Variants in FCF1 observed in about 807,000 individuals in gnomAD.
FCF1 encodes the protein FCF1 rRNA-processing protein.
FCF1 carries 17 observed loss-of-function variants against 32.5 expected under a neutral mutation model. That is an observed-to-expected ratio of 0.52 (90% CI 0.36 to 0.78). The LOEUF (loss-of-function observed/expected upper bound fraction) is 0.78, where lower values mean the gene tolerates loss of function less well. Among genes scored for constraint, FCF1 ranks in the 30% least tolerant of loss-of-function variants. FCF1 has a pLI of 0.00. For synonymous variants in FCF1, 84 were observed against 78.4 expected (o/e 1.07, Z -0.38); for missense variants, 201 against 241.1 (o/e 0.83, Z 1.10).
rs527245288 is a variant in FCF1, at chr14:74,734,562, A to G, written c.549-320A>G. Reference sequence around the variant, plus strand: ...TTATCCTTCTTGGCTATTTTTTGTCAGTACTCAGACTTATTTTCCAGCTTT... The same window carrying G: ...TTATCCTTCTTGGCTATTTTTTGTCGGTACTCAGACTTATTTTCCAGCTTT... On this transcript the variant is annotated intron_variant, in intron 7 of 7. Transcript: ENST00000341162. Among the ~76,000 whole-genome samples the G allele has an allele frequency of 2.7e-5, 4 of 150,664 alleles. No homozygotes were observed. In the East Asian group the frequency reaches 5.8e-4, roughly 22 times the overall value.
chr14:74,725,431 G>T (rs1204241761), intron 5 of FCF1, among the ~76,000 whole-genome samples: 1 of 140,288 alleles, frequency 7.1e-6, no homozygotes, highest in Non-Finnish European at 1.5e-5. Context: ...AGTGAGCTGA[G>T]GTCATGCCAC....
intron 5 of FCF1, among the ~76,000 whole-genome samples, chr14:74,725,935 C>G (rs77199127): frequency 1.8e-5 from 2 of 108,512 alleles, no homozygotes; most frequent in African/African-American, 6.6e-5. Context: ...GACTCCATCT[C>G]AAAAAAAAAA....
chr14:74,730,429 A>G (rs532053185), intron 5 of FCF1, among the ~76,000 whole-genome samples: 2 of 152,008 alleles, frequency 1.3e-5, no homozygotes, highest in East Asian at 3.9e-4. Context: ...TTTTTTTGGT[A>G]GAGACTGGGC....
chr14:74,729,763 C>T (rs1166729224), intron 5 of FCF1, among the ~76,000 whole-genome samples: 2 of 152,128 alleles, frequency 1.3e-5, no homozygotes, highest in Admixed American at 1.3e-4. Flanking sequence ...TCCCTCTACA[C>T]ACTGCTTTGA....
At chr14:74,718,089 T>C (rs2090445860) in intron 4 of FCF1, among the ~76,000 whole-genome samples, 2 of 152,180 alleles carry the variant, frequency 1.3e-5, no homozygotes, top group Non-Finnish European at 2.9e-5. Context: ...GGTCTCAAAC[T>C]CCTGACCTCA....
intron 3 of FCF1, among the ~76,000 whole-genome samples, chr14:74,715,410 C>G (rs1195455125): frequency 2.0e-5 from 3 of 151,838 alleles, no homozygotes; most frequent in African/African-American, 7.3e-5. Flanking sequence ...TAATTTTTCC[C>G]TGGATTGGTA....
chr14:74,732,754 A>T lies in FCF1; in HGVS notation c.389A>T (p.Glu130Val). Residue 130 changes from glutamate (E) to valine (V), a missense_variant, in exon 6 of 8, where the codon GAA becomes GTA. Glu to Val is a moderately radical substitution (Grantham distance 121, BLOSUM62 -2). Transcript: ENST00000341162. ...ALRIAKDPRF[E>V]RLPCTHKGTY... ...AGGATTGCCAAGGATCCAAGATTTG[A>T]ACGATTACCATGTACACACAAAGGA... is the stretch of plus-strand genomic sequence containing the variant. The T allele has an allele frequency of 6.2e-7, 1 of 1,612,876 alleles. No individual in the cohort carries two copies.
intron 5 of FCF1, among the ~76,000 whole-genome samples, chr14:74,726,994 T>G: frequency 6.6e-6 from 1 of 152,104 alleles, no homozygotes; most frequent in Admixed American, 6.6e-5. Flanking sequence ...ATTTTCTTAA[T>G]CCAGTCTATC....
chr14:74,719,776 A>G (rs1047081975), intron 4 of FCF1, among the ~76,000 whole-genome samples: 11 of 152,200 alleles, frequency 7.2e-5, no homozygotes, highest in Non-Finnish European at 1.2e-4. Flanking sequence ...AAAGGGGGAA[A>G]AAAAGGAAGT....
intron 6 of FCF1, 89 bp downstream of exon 6, chr14:74,732,907 C>A: frequency 2.6e-6 from 2 of 763,988 alleles, no homozygotes; most frequent in South Asian, 1.7e-5. Flanking sequence ...AGTAAAACAT[C>A]TAGGAATATA....
chr14:74,713,572 T>C lies in FCF1; in HGVS notation c.71+20T>C, dbSNP rs898159390. On this transcript the variant is annotated intron_variant, in intron 2 of 7. Transcript: ENST00000341162. ...GAGGCTGTGAGTGTCTGGAATCAAC[T>C]GCCCAGGGATATTCTAATAAGAGTC... 1 of 1,596,472 alleles carries C rather than the reference T, an allele frequency of 6.3e-7. No individual in the cohort carries two copies. Among genetic ancestry groups the C allele is most frequent in the Non-Finnish European group, 8.6e-7 (1 of 1,166,040 alleles).
chr14:74,730,498 G>A (rs1429508685), intron 5 of FCF1, among the ~76,000 whole-genome samples: 1 of 152,140 alleles, frequency 6.6e-6, no homozygotes, highest in African/African-American at 2.4e-5. Flanking sequence ...CAGATCACCT[G>A]AGGCTAGGAG....
chr14:74,720,604 C>G (rs959530823), intron 4 of FCF1, among the ~76,000 whole-genome samples: 3 of 152,046 alleles, frequency 2.0e-5, no homozygotes, highest in Non-Finnish European at 4.4e-5. Flanking sequence ...TTACATTGAA[C>G]TATATATTTT....
chr14:74,734,822 G>A, intron 7 of FCF1, 60 bp from the exon 8 acceptor site: 1 of 1,449,708 alleles, frequency 6.9e-7, no homozygotes, highest in Non-Finnish European at 9.7e-7. Context: ...TAAAGGATGG[G>A]TTTTTAGATG....
intron 5 of FCF1, 111 bp from the exon 6 acceptor site, chr14:74,732,617 CAGG>C (rs1027481504): frequency 5.8e-5 from 41 of 706,342 alleles, no homozygotes; most frequent in East Asian, 5.1e-4. Context: ...GGATAAAGTT[CAGG>C]AGGAGAACAG....
rs908673607 is a variant in FCF1, at chr14:74,723,285, A to G, written c.306A>G (p.Ile102Met). 1 of 1,613,348 alleles carries G rather than the reference A, an allele frequency of 6.2e-7. No homozygotes were observed. Among genetic ancestry groups the G allele is most frequent in the African/African-American group, 1.3e-5 (1 of 74,996 alleles). Residue 102 changes from isoleucine (I) to methionine (M), a missense_variant, in exon 5 of 8, where the codon ATA (isoleucine) becomes ATG (methionine). Ile to Met is a conservative substitution (Grantham distance 10). Coordinates refer to ENST00000341162, the MANE Select transcript of FCF1 (RefSeq NM_015962.5). Reference sequence around the variant, plus strand: ...TTTCCCTGGCAGGTATCCCATGTATAACCGATTGTGTAATGGCTGAAATTG... The same window carrying G: ...TTTCCCTGGCAGGTATCCCATGTATGACCGATTGTGTAATGGCTGAAATTG... ...DCLYAKCIPC[I>M]TDCVMAEIEK...
At chr14:74,728,608 A>C (rs1017166549) in intron 5 of FCF1, among the ~76,000 whole-genome samples, 1 of 151,960 alleles carries the variant, frequency 6.6e-6, no homozygotes, top group African/African-American at 2.4e-5. Flanking sequence ...TCTCCTGCCT[A>C]ATTGCCCTGG....
chr14:74,723,548 A>G lies in FCF1; in HGVS notation c.365+204A>G, dbSNP rs548913769. Among the ~76,000 whole-genome samples the G allele has an allele frequency of 1.4e-4, 22 of 152,190 alleles. No homozygotes were observed. In the South Asian group the frequency reaches 3.9e-3, roughly 27 times the overall value. On this transcript the variant is annotated intron_variant, in intron 5 of 7. Coordinates refer to ENST00000341162, the MANE Select transcript of FCF1 (RefSeq NM_015962.5). ...ACTTTTAATAGAAAATACAGAGAATATCTTGTCCGGGCTCGGTGGCCTGTA... is the reference window on the plus strand; with the variant it reads ...ACTTTTAATAGAAAATACAGAGAATGTCTTGTCCGGGCTCGGTGGCCTGTA...
chr14:74,717,133 G>A (rs1472191099), intron 4 of FCF1, among the ~76,000 whole-genome samples: 1 of 152,152 alleles, frequency 6.6e-6, no homozygotes, highest in Non-Finnish European at 1.5e-5. Context: ...GCCAAAGCAG[G>A]CGGATCATGA....
Sources: allele counts gnomAD v4.1 joint callset (sites outside exome capture counted in the v4.1 genomes callset), GRCh38; gene constraint gnomAD v4.1.1; transcripts MANE v1.5; gene names NCBI Gene and HGNC (gene_info 2026-07-23, HGNC 2026-07-21).